Variants in RFX3 observed in about 807,000 individuals in gnomAD.
RFX3 encodes the protein transcription factor RFX3.
RFX3 carries 14 observed loss-of-function variants against 98.6 expected under a neutral mutation model. That is an observed-to-expected ratio of 0.14 (90% confidence interval 0.09 to 0.22). The LOEUF (loss-of-function observed/expected upper bound fraction) is 0.22. Ranked by LOEUF, RFX3 falls within the 10% of genes least tolerant of loss-of-function variation. The pLI is 1.00. For synonymous variants in RFX3, 383 were observed against 328.4 expected (o/e 1.17, Z -1.80); for missense variants, 639 against 926.9 (o/e 0.69, Z 4.03).
At chr9:3,364,894 G>C (rs1013350384) in intron 2 of RFX3, 1 of 152,250 alleles carries the variant, frequency 6.6e-6, no homozygotes, top group East Asian at 1.9e-4. Context: ...TCAGTTTTAT[G>C]AATATAAGAT....
chr9:3,491,334 T>A (rs1850702269), intron 1 of RFX3, among the ~76,000 whole-genome samples: 1 of 152,150 alleles, frequency 6.6e-6, no homozygotes, highest in Non-Finnish European at 1.5e-5. Flanking sequence ...CACACTTGGA[T>A]TCTCGAAAAG....
At chr9:3,371,450 T>A (rs1004603444) in intron 2 of RFX3, among the ~76,000 whole-genome samples, 1 of 152,174 alleles carries the variant, frequency 6.6e-6, no homozygotes, top group African/African-American at 2.4e-5. Context: ...ATAATTGATA[T>A]AGATATGCTA....
At chr9:3,450,022 C>G (rs149078875) in intron 1 of RFX3, among the ~76,000 whole-genome samples, 1 of 152,142 alleles carries the variant, frequency 6.6e-6, no homozygotes, top group African/African-American at 2.4e-5. Flanking sequence ...ATTCACCTAT[C>G]AGATCCTGTG....
At chr9:3,382,017 T>C (rs1839241902) in intron 2 of RFX3, among the ~76,000 whole-genome samples, 1 of 152,182 alleles carries the variant, frequency 6.6e-6, no homozygotes, top group Non-Finnish European at 1.5e-5. Context: ...AAATTTATTA[T>C]ATGTTAGGTG....
chr9:3,401,371 T>C (rs766189477), intron 1 of RFX3, among the ~76,000 whole-genome samples: 3 of 152,220 alleles, frequency 2.0e-5, no homozygotes, highest in Non-Finnish European at 4.4e-5. Context: ...ATGAGAGCAG[T>C]GCCCTAGCAT....
intron 1 of RFX3, among the ~76,000 whole-genome samples, chr9:3,468,495 G>A (rs1848501207): frequency 6.6e-6 from 1 of 152,176 alleles, no homozygotes; most frequent in Non-Finnish European, 1.5e-5. Flanking sequence ...CTTGTAGAGA[G>A]AAACTTTGCT....
chr9:3,361,168 T>C (rs999940609), intron 2 of RFX3, among the ~76,000 whole-genome samples: 2 of 152,152 alleles, frequency 1.3e-5, no homozygotes, highest in South Asian at 2.1e-4. Flanking sequence ...ACTGACTAAA[T>C]GTGAAACAGA....
At position 3,427,863 on chromosome 9, in the gene RFX3, T is replaced by G. The variant is rs534275590; in HGVS notation, c.-8-32267A>C. 3.9e-5 allele frequency among the ~76,000 whole-genome samples: 6 copies of G among 152,212 alleles called. No homozygotes were observed. The East Asian group carries it at 1.2e-3, about 29-fold the overall frequency. On this transcript the variant is annotated intron_variant, in intron 1 of 16. Transcript: ENST00000617270. ...ATATTCAGAATTCTGGATCCCCATT[T>G]CTGTGCAGCCTTCACCCTTCTGGTG... is the stretch of plus-strand genomic sequence containing the variant.
intron 1 of RFX3, among the ~76,000 whole-genome samples, chr9:3,515,717 G>A (rs1818087830): frequency 6.6e-6 from 1 of 152,156 alleles, no homozygotes. Flanking sequence ...AGTAAACTAT[G>A]CTGACTGAGA....
intron 16 of RFX3, among the ~76,000 whole-genome samples, chr9:3,225,556 G>A (rs1817667875): frequency 6.6e-6 from 1 of 151,924 alleles, no homozygotes; most frequent in South Asian, 2.1e-4. Context: ...AAGGCCTTTG[G>A]AATTTCCCTA....
chr9:3,249,425 A>T (rs1821098648), intron 14 of RFX3, among the ~76,000 whole-genome samples: 1 of 152,170 alleles, frequency 6.6e-6, no homozygotes, highest in African/African-American at 2.4e-5. Context: ...GCATGAAAAC[A>T]AAACATTGCC....
chr9:3,453,501 G>C (rs965402912), intron 1 of RFX3: 7 of 151,996 alleles, frequency 4.6e-5, no homozygotes, highest in Admixed American at 1.3e-4. Flanking sequence ...CTTGAGGCCA[G>C]GAGTTCGAGA....
intron 1 of RFX3, among the ~76,000 whole-genome samples, chr9:3,478,895 G>A (rs1255267830): frequency 2.6e-5 from 4 of 152,100 alleles, no homozygotes; most frequent in East Asian, 1.9e-4. Flanking sequence ...GTAATGCCCT[G>A]GGGGTAAGCT....
intron 3 of RFX3, among the ~76,000 whole-genome samples, chr9:3,337,110 C>A (rs1373877066): frequency 6.6e-6 from 1 of 152,064 alleles, no homozygotes; most frequent in Non-Finnish European, 1.5e-5. Context: ...AATGTTCTAG[C>A]CAGAGAGACA....
At chr9:3,448,085 A>C (rs1344976299) in intron 1 of RFX3, among the ~76,000 whole-genome samples, 4 of 148,582 alleles carry the variant, frequency 2.7e-5, no homozygotes, top group Non-Finnish European at 5.9e-5. Context: ...CCCTCACTTC[A>C]CCTACTTAAC....
chr9:3,423,795 A>ATC (rs1205872674), intron 1 of RFX3, among the ~76,000 whole-genome samples: 8 of 132,942 alleles, frequency 6.0e-5, no homozygotes, highest in African/African-American at 2.7e-4. Flanking sequence ...ATATATATAT[A>ATC]TATATATATA....
chr9:3,278,197 G>T (rs1261548899), intron 7 of RFX3, among the ~76,000 whole-genome samples: 1 of 151,748 alleles, frequency 6.6e-6, no homozygotes, highest in African/African-American at 2.4e-5. Context: ...GAAGAAGGAA[G>T]ATGTCTTGAA....
At chr9:3,456,816 C>G (rs1295027055) in intron 1 of RFX3, among the ~76,000 whole-genome samples, 1 of 152,062 alleles carries the variant, frequency 6.6e-6, no homozygotes, top group African/African-American at 2.4e-5. Context: ...GAGGACTACT[C>G]AAGTCCTCAC....
At chr9:3,348,459 C>T (rs113377548) in intron 2 of RFX3, among the ~76,000 whole-genome samples, 2,925 of 151,354 alleles carry the variant, frequency 0.019, 100 homozygotes, top group African/African-American at 0.067. Context: ...ATGATCATTT[C>T]CTACAGATAT....
Sources: allele counts gnomAD v4.1 joint callset (sites outside exome capture counted in the v4.1 genomes callset), GRCh38; gene constraint gnomAD v4.1.1; transcripts MANE v1.5; gene names NCBI Gene and HGNC (gene_info 2026-07-23, HGNC 2026-07-21).